Variants in MYSM1 observed in about 807,000 individuals in gnomAD.
MYSM1 encodes the protein Myb like, SWIRM and MPN domains 1, also known as deubiquitinase MYSM1.
A neutral mutation model predicts 116.0 loss-of-function variants in MYSM1; 51 were observed. The observed-to-expected ratio is 0.44, with a 90% confidence interval of 0.35 to 0.56. The LOEUF is 0.56. MYSM1 is among the 20% of genes least tolerant of loss of function. The probability of loss-of-function intolerance (pLI) is 0.00; values close to 1 mark genes in which losing one functional copy is unlikely to be tolerated. For synonymous variants in MYSM1, 313 were observed against 315.2 expected, an observed-to-expected ratio of 0.99 and a Z score of 0.07; for missense variants, 900 against 974.9, an observed-to-expected ratio of 0.92 and a Z score of 1.02.
In MYSM1 at chr1:58,692,901, C is replaced by T. The variant is rs759843361; in HGVS notation, c.178G>A (p.Glu60Lys). ...PWTLDNTISEENRAVIEKMLL... is the reference protein window; with the variant it reads ...PWTLDNTISEKNRAVIEKMLL... ...ATTTTCTCAATAACAGCTCTGTTCT[C>T]TTCACTGATGGTGTTATCCAAGGTC... Residue 60 changes from glutamate (E) to lysine (K), a missense_variant, in exon 3 of 20, where the codon GAG (glutamate) becomes AAG (lysine). Glu to Lys is a moderately conservative substitution (Grantham distance 56). This residue lies in a region of MYSM1 where 622 missense variants were observed against 623.7 expected (regional missense o/e 1.00). Transcript: ENST00000472487. The T allele has an allele frequency of 2.5e-6, 4 of 1,609,752 alleles. No homozygotes were observed. The highest frequency in any genetic ancestry group is 2.2e-5 in the South Asian group (2 of 90,276).
Position 58,661,428 on chromosome 1 carries a change from C to T in MYSM1, c.2248G>A (p.Glu750Lys). 6.3e-7 allele frequency: 1 copy of T among 1,593,800 alleles called. No individual in the cohort carries two copies. Reference sequence around the variant, plus strand: ...TACCTATGGGAGAGCCTGTATTTTTCTATTATCCATCTTGTCTTTTCAAAT... The same window carrying T: ...TACCTATGGGAGAGCCTGTATTTTTTTATTATCCATCTTGTCTTTTCAAAT... ...LVFEKTRWIIEKYRLSHSSVP... is the reference protein window; with the variant it reads ...LVFEKTRWIIKKYRLSHSSVP... Residue 750 changes from glutamate (E) to lysine (K), a missense_variant, in exon 18 of 20, where the codon GAA becomes AAA. Physicochemically the swap from Glu to Lys is moderately conservative, Grantham distance 56. Coordinates refer to ENST00000472487, the MANE Select transcript of MYSM1 (RefSeq NM_001085487.3).
At chr1:58,663,328 T>TC (rs34284459) in intron 17 of MYSM1, among the ~76,000 whole-genome samples, 136,440 of 152,220 alleles carry the variant, frequency 0.9, 61,164 homozygotes, top group East Asian at 0.93. Context: ...TCAATAAGTT[T>TC]CTTTTATAGA....
At chr1:58,673,754 A>G (rs1644600773) in intron 10 of MYSM1, 104 bp from the exon 11 acceptor site, 14 of 946,934 alleles carry the variant, frequency 1.5e-5, no homozygotes, top group Non-Finnish European at 2.3e-5. Flanking sequence ...AAAGTCAATT[A>G]ATCTATCAAT....
rs778409033 is a variant in MYSM1, at chr1:58,690,450, T to C, written c.219-33A>G. 54 of 1,410,946 alleles carry C rather than the reference T, an allele frequency of 3.8e-5. No individual in the cohort carries two copies. In the Admixed American group the frequency reaches 1.1e-3, roughly 28 times the overall value. The allele number at this position is 1,410,946 out of a possible 1,614,324, so 87.4% of individuals were successfully genotyped here. A position where few individuals can be genotyped will look rare whatever the true frequency, so the allele number is the denominator to read the frequency against. On this transcript the variant is annotated intron_variant, in intron 3 of 19. Transcript: ENST00000472487. ...ACTATCAAGGAAACTTTTTAAACAA[T>C]ATTACAGTCATGTAATTTTTACATT...
intron 1 of MYSM1, among the ~76,000 whole-genome samples, chr1:58,699,321 C>A (rs1645029005): frequency 6.6e-6 from 1 of 152,188 alleles, no homozygotes; most frequent in Non-Finnish European, 1.5e-5. Context: ...CTACCGTATG[C>A]TAAAGCATAT....
intron 12 of MYSM1, among the ~76,000 whole-genome samples, chr1:58,670,006 C>T (rs1644536907): frequency 6.6e-6 from 1 of 152,034 alleles, no homozygotes; most frequent in African/African-American, 2.4e-5. Context: ...AGGCTATCTT[C>T]AGGGAAAGAA....
chr1:58,697,562 G>A (rs1644993351), intron 1 of MYSM1, among the ~76,000 whole-genome samples: 1 of 151,420 alleles, frequency 6.6e-6, no homozygotes, highest in African/African-American at 2.4e-5. Context: ...GAGACAGAAT[G>A]GTAGAAGTAG....
Position 58,682,334 on chromosome 1 carries a change from G to T in MYSM1, c.710C>A (p.Pro237His), listed in dbSNP as rs1192642948. Reference protein sequence around the residue: ...DEVDELSSQTPQKNSSSDLLL... With the variant: ...DEVDELSSQTHQKNSSSDLLL... Reference sequence around the variant, plus strand: ...GAGATCACTGCTAGAATTCTTCTGGGGTGTTTGAGAAGACAACTCGTCCAC... The same window carrying T: ...GAGATCACTGCTAGAATTCTTCTGGTGTGTTTGAGAAGACAACTCGTCCAC... The change falls in exon 8 of 20, where the codon CCC becomes CAC. Residue 237 changes from proline to histidine, a missense_variant. Around this residue, in one of 3 missense-constraint regions of MYSM1, gnomAD observed 622 missense variants for 623.7 expected, o/e 1.00. Coordinates refer to ENST00000472487, the MANE Select transcript of MYSM1 (RefSeq NM_001085487.3). 6.2e-7 allele frequency: 1 copy of T among 1,613,908 alleles called. No homozygotes were observed. Among genetic ancestry groups the T allele is most frequent in the Non-Finnish European group, 8.5e-7 (1 of 1,179,912 alleles).
chr1:58,658,736 A>C lies in MYSM1; in HGVS notation c.*1261T>G, dbSNP rs1204994370. ...AAAATCTACTGAATTTCAATAAATG[A>C]GGCAGCATTGACTGCTTATTTTATT... is the stretch of plus-strand genomic sequence containing the variant. On this transcript the variant is annotated 3_prime_UTR_variant, in exon 20 of 20. Coordinates refer to ENST00000472487, the MANE Select transcript of MYSM1 (RefSeq NM_001085487.3). 6.6e-6 allele frequency: 1 copy of C among 152,180 alleles called. No individual in the cohort carries two copies. Among genetic ancestry groups the C allele is most frequent in the Non-Finnish European group, 1.5e-5 (1 of 68,034 alleles). 9.4% of individuals were successfully genotyped at this position (152,180 alleles called of 1,614,324 possible).
Position 58,673,602 on chromosome 1 carries a change from C to T in MYSM1, c.1543G>A (p.Ala515Thr). 6.2e-7 allele frequency: 1 copy of T among 1,614,034 alleles called. No individual in the cohort carries two copies. The highest frequency in any genetic ancestry group is 8.5e-7 in the Non-Finnish European group (1 of 1,179,930). ...AACGTTTGTCCTTCTAAGTCCTTTG[C>T]ATCACACCAGTTTCCCCATGGGTCT... ...VRDPWGNWCD[A>T]KDLEGQTFEH... Residue 515 changes from alanine to threonine, a missense_variant, in exon 11 of 20, where the codon GCA becomes ACA. By Grantham distance (58) the Ala-to-Thr change is moderately conservative. Transcript: ENST00000472487.
chr1:58,667,712 T>C, intron 15 of MYSM1, 135 bp downstream of exon 15: 1 of 606,214 alleles, frequency 1.6e-6, no homozygotes, highest in Non-Finnish European at 2.9e-6. Flanking sequence ...ATATATAACT[T>C]GCTACATTTG....
chr1:58,655,600 T>C lies in MYSM1; in HGVS notation c.*4397A>G, dbSNP rs753579636. The stretch of plus-strand genomic sequence containing the variant: ...ATTATAGGTTAAATAAAAAAGAAAA[T>C]AGAGAAAGCAGAATTTGGGGGAATA... On this transcript the variant is annotated 3_prime_UTR_variant, in exon 20 of 20. Coordinates refer to ENST00000472487, the MANE Select transcript of MYSM1 (RefSeq NM_001085487.3). 1.3e-5 allele frequency: 2 copies of C among 151,642 alleles called. No individual in the cohort carries two copies. The highest frequency in any genetic ancestry group is 2.9e-5 in the Non-Finnish European group (2 of 67,906). The allele number at this position is 151,642 out of a possible 1,614,324, so 9.4% of individuals were successfully genotyped here.
chr1:58,655,566 G>T lies in MYSM1; in HGVS notation c.*4431C>A, dbSNP rs2100571959. 1 of 152,158 alleles carries T rather than the reference G, an allele frequency of 6.6e-6. No homozygotes were observed. The highest frequency in any genetic ancestry group is 2.1e-4 in the South Asian group (1 of 4,820). 9.4% of individuals were successfully genotyped at this position (152,158 alleles called of 1,614,324 possible). A position where few individuals can be genotyped will look rare whatever the true frequency, so the allele number is the denominator to read the frequency against. Reference sequence around the variant, plus strand: ...TAGAAGATAGACTCAGAATATACTAGAAAGTATAATTATAGGTTAAATAAA... The same window carrying T: ...TAGAAGATAGACTCAGAATATACTATAAAGTATAATTATAGGTTAAATAAA... On this transcript the variant is annotated 3_prime_UTR_variant, in exon 20 of 20. Coordinates refer to ENST00000472487, the MANE Select transcript of MYSM1 (RefSeq NM_001085487.3).
chr1:58,700,020 T>C lies in MYSM1; in HGVS notation c.33A>G (p.Glu11=), dbSNP rs1645039883. MAAEEADVDI[E]GDVVAAAGAQ... is the part of the protein sequence containing the mutation. ...CCCCCGCCGCCGCTACCACGTCCCC[T>C]TCGATATCCACATCCGCCTCTTCAG... Residue 11 remains glutamate, a synonymous_variant, in exon 1 of 20, where the codon GAA becomes GAG. Transcript: ENST00000472487. 2.5e-6 allele frequency: 4 copies of C among 1,613,698 alleles called. No individual in the cohort carries two copies. Among genetic ancestry groups the C allele is most frequent in the Non-Finnish European group, 3.4e-6 (4 of 1,180,012 alleles).
Position 58,657,450 on chromosome 1 carries a change from G to A in MYSM1, c.*2547C>T, listed in dbSNP as rs1189661701. The A allele has an allele frequency of 6.6e-6, 1 of 152,170 alleles. No individual in the cohort carries two copies. Among genetic ancestry groups the A allele is most frequent in the Non-Finnish European group, 1.5e-5 (1 of 68,032 alleles). 9.4% of individuals were successfully genotyped at this position (152,170 alleles called of 1,614,324 possible). A position where few individuals can be genotyped will look rare whatever the true frequency, so the allele number is the denominator to read the frequency against. ...CTAGACTTCCTCTGTGCTTCTACAA[G>A]GCCCTGGCTCCATTATCCTCGGTAG... On this transcript the variant is annotated 3_prime_UTR_variant, in exon 20 of 20. Transcript: ENST00000472487.
chr1:58,673,531 A>G, intron 11 of MYSM1, 42 bp downstream of exon 11: 3 of 1,506,600 alleles, frequency 2.0e-6, no homozygotes, highest in Non-Finnish European at 1.8e-6. Flanking sequence ...TATATTTAAA[A>G]ACCAGTTTTC....
chr1:58,661,333 T>A (rs1644388502), intron 18 of MYSM1, 73 bp downstream of exon 18: 1 of 1,351,404 alleles, frequency 7.4e-7, no homozygotes, highest in African/African-American at 1.4e-5. Flanking sequence ...TATATTTAAC[T>A]TGGGTTTTCT....
chr1:58,668,397 G>T (rs564609836), intron 14 of MYSM1: 1 of 1,237,642 alleles, frequency 8.1e-7, no homozygotes, highest in East Asian at 3.7e-5. Flanking sequence ...TTAAAATAGG[G>T]TTAATGATGG....
At chr1:58,665,732 A>G in intron 16 of MYSM1, 101 bp from the exon 17 acceptor site, 1 of 820,974 alleles carries the variant, frequency 1.2e-6, no homozygotes, top group Non-Finnish European at 1.9e-6. Context: ...GAAAAGCAGG[A>G]ACAAAAAGGT....
Sources: allele counts gnomAD v4.1 joint callset (sites outside exome capture counted in the v4.1 genomes callset), GRCh38; gene constraint gnomAD v4.1.1; regional missense constraint gnomAD v4.1.1; transcripts MANE v1.5; gene names NCBI Gene and HGNC (gene_info 2026-07-23, HGNC 2026-07-21).